KAT7: variants seen among roughly 807,000 people sequenced by gnomAD.
KAT7 encodes the protein histone acetyltransferase KAT7.
KAT7 carries 10 observed loss-of-function variants against 82.1 expected under a neutral mutation model. The observed-to-expected ratio is 0.12, with a 90% CI of 0.08 to 0.21. The LOEUF (loss-of-function observed/expected upper bound fraction) is 0.21, where lower values mean the gene tolerates loss of function less well. Among genes scored for constraint, KAT7 ranks in the 10% least tolerant of loss-of-function variants. The pLI, the probability that KAT7 is intolerant of heterozygous loss-of-function variation, is 1.00. For missense variants in KAT7, 378 were observed against 760.9 expected (o/e 0.50, Z 5.92); for synonymous variants, 250 against 262.5 (o/e 0.95, Z 0.46).
intron 4 of KAT7, among the ~76,000 whole-genome samples, chr17:49,802,346 G>A (rs2074034810): frequency 6.6e-6 from 1 of 152,082 alleles, no homozygotes; most frequent in Non-Finnish European, 1.5e-5. Context: ...ACATATAAAA[G>A]AAAACATGCC....
At chr17:49,824,695 T>A (rs1482677662) in intron 12 of KAT7, 1 of 152,194 alleles carries the variant, frequency 6.6e-6, no homozygotes, top group Non-Finnish European at 1.5e-5. Context: ...TGAGAAGAGA[T>A]GAACTGGGAA....
chr17:49,816,014 T>G, intron 8 of KAT7, 101 bp downstream of exon 8: 1 of 676,646 alleles, frequency 1.5e-6, no homozygotes, highest in Admixed American at 2.5e-5. Flanking sequence ...TAAATGTACC[T>G]TGCTTCTGGA....
In KAT7 at chr17:49,815,783, C is replaced by G; in HGVS notation, c.853-20C>G. 7.0e-7 allele frequency: 1 copy of G among 1,420,648 alleles called. No individual in the cohort carries two copies. Among genetic ancestry groups the G allele is most frequent in the South Asian group, 1.1e-5 (1 of 87,124 alleles). The allele number at this position is 1,420,648 out of a possible 1,614,324, so 88.0% of individuals were successfully genotyped here. ...AGAAGCAGAGAGTATCAGAGTATCACGCTCTGGTTATTTTCCTAGGAACAC... is the reference window on the plus strand; with the variant it reads ...AGAAGCAGAGAGTATCAGAGTATCAGGCTCTGGTTATTTTCCTAGGAACAC... On this transcript the variant is annotated intron_variant, in intron 7 of 14. Coordinates refer to ENST00000259021, the MANE Select transcript of KAT7 (RefSeq NM_007067.5).
intron 2 of KAT7, 149 bp downstream of exon 2, chr17:49,792,182 G>C: frequency 4.0e-6 from 3 of 753,302 alleles, no homozygotes; most frequent in Non-Finnish European, 6.4e-6. Flanking sequence ...AGTGAATGCA[G>C]AGTTGTCAGG....
At chr17:49,790,236 G>T (rs1279027617) in intron 1 of KAT7, among the ~76,000 whole-genome samples, 1 of 152,090 alleles carries the variant, frequency 6.6e-6, no homozygotes, top group Non-Finnish European at 1.5e-5. Context: ...TGCTCTTGTT[G>T]CCCAGGTCGG....
chr17:49,822,162 A>G (rs1188298285), intron 11 of KAT7, among the ~76,000 whole-genome samples: 2 of 152,090 alleles, frequency 1.3e-5, no homozygotes, highest in Non-Finnish European at 1.5e-5. Context: ...CTGATTGTTT[A>G]GCTGGGCTCC....
intron 7 of KAT7, among the ~76,000 whole-genome samples, chr17:49,814,314 T>C (rs1022163380): frequency 1.3e-5 from 2 of 152,310 alleles, no homozygotes; most frequent in Middle Eastern, 6.8e-3. Flanking sequence ...CCAGACTGTG[T>C]TGGTTTGTAC....
intron 14 of KAT7, 162 bp from the exon 15 acceptor site, chr17:49,827,239 A>T: frequency 1.7e-6 from 1 of 596,246 alleles, no homozygotes; most frequent in South Asian, 2.2e-5. Flanking sequence ...AATGGATTAG[A>T]TAGGAAAGCA....
chr17:49,823,970 C>T (rs780474988), intron 12 of KAT7, among the ~76,000 whole-genome samples: 16 of 152,168 alleles, frequency 1.1e-4, no homozygotes, highest in Non-Finnish European at 2.4e-4. Context: ...TGTTCCTAAT[C>T]TCAGGAATAC....
chr17:49,790,853 A>C (rs1567844929), intron 1 of KAT7, among the ~76,000 whole-genome samples: 1 of 152,212 alleles, frequency 6.6e-6, no homozygotes. Flanking sequence ...TGGGACTTAC[A>C]GTGTGAATCT....
rs2074129377 is a variant in KAT7, at chr17:49,809,103, T to A, written c.664-16T>A. ...TTAGAAGCAGGTGGATTTATTGACGTTGTTGATGGTTGCAGGTGAGAGCAC... is the reference window on the plus strand; with the variant it reads ...TTAGAAGCAGGTGGATTTATTGACGATGTTGATGGTTGCAGGTGAGAGCAC... On this transcript the variant is annotated splice_polypyrimidine_tract_variant and intron_variant, in intron 5 of 14. Transcript: ENST00000259021. 6.2e-7 allele frequency: 1 copy of A among 1,605,722 alleles called. No individual in the cohort carries two copies. The highest frequency in any genetic ancestry group is 1.7e-5 in the Admixed American group (1 of 59,866).
In KAT7 at chr17:49,827,693, C is replaced by T. The variant is rs1249203068; in HGVS notation, c.*191C>T. On this transcript the variant is annotated 3_prime_UTR_variant, in exon 15 of 15. Transcript: ENST00000259021. ...CGCTGGTTCTGAGGAACTGTTGTTT[C>T]GGCCTCAGTGAGGTTGCCTGGATGG... The T allele has an allele frequency of 1.4e-5, 8 of 591,530 alleles. No homozygotes were observed. Among genetic ancestry groups the T allele is most frequent in the East Asian group, 8.3e-5 (3 of 36,050 alleles). 36.6% of individuals were successfully genotyped at this position (591,530 alleles called of 1,614,324 possible).
intron 9 of KAT7, among the ~76,000 whole-genome samples, chr17:49,820,728 G>C (rs1012325992): frequency 1.3e-5 from 2 of 148,600 alleles, no homozygotes; most frequent in African/African-American, 5.0e-5. Context: ...GCTTCCTGCT[G>C]CTCAGCTAGG....
intron 4 of KAT7, among the ~76,000 whole-genome samples, chr17:49,802,164 G>A (rs984841531): frequency 1.3e-5 from 2 of 152,104 alleles, no homozygotes; most frequent in African/African-American, 4.8e-5. Flanking sequence ...TTGACATTTA[G>A]ATTGTTTCTC....
chr17:49,833,558 T>C lies in KAT7; in HGVS notation c.*6056T>C, dbSNP rs1237312514. ...AGTGATATTTTGGCAGCTTCCACTT[T>C]TGCTCTTGAAAATAAGCTGACACGT... On this transcript the variant is annotated 3_prime_UTR_variant, in exon 15 of 15. Transcript: ENST00000259021. The C allele has an allele frequency of 3.9e-5, 6 of 152,240 alleles. No individual in the cohort carries two copies. Among genetic ancestry groups the C allele is most frequent in the African/African-American group, 1.4e-4 (6 of 41,468 alleles). The allele number at this position is 152,240 out of a possible 1,614,324, so 9.4% of individuals were successfully genotyped here.
chr17:49,796,793 G>C lies in KAT7; in HGVS notation c.207G>C (p.Glu69Asp). 1 of 1,613,468 alleles carries C rather than the reference G, an allele frequency of 6.2e-7. No homozygotes were observed. Among genetic ancestry groups the C allele is most frequent in the Non-Finnish European group, 8.5e-7 (1 of 1,179,680 alleles). ...VRNLQSFGTE[E>D]PAYSTRRVTR... ...ATCTGCAGTCTTTTGGCACTGAGGA[G>C]CCTGCTTACTCTACCAGAAGAGTGA... The change falls in exon 3 of 15, where the codon GAG becomes GAC. Residue 69 changes from glutamate to aspartate, a missense_variant. Around this residue, in one of 6 missense-constraint regions of KAT7, gnomAD observed 161 missense variants for 229.6 expected, o/e 0.70. Transcript: ENST00000259021.
Position 49,815,839 on chromosome 17 carries a change from C to T in KAT7, c.889C>T (p.Leu297Phe), listed in dbSNP as rs761764906. Residue 297 changes from leucine (L) to phenylalanine (F), a missense_variant, in exon 8 of 15, where the codon CTT becomes TTT. Around this residue, in one of 6 missense-constraint regions of KAT7, gnomAD observed 102 missense variants for 129.8 expected, o/e 0.79. Coordinates refer to ENST00000259021, the MANE Select transcript of KAT7 (RefSeq NM_007067.5). ...RQTYGNTREP[L>F]LENLTSEYDL... The stretch of plus-strand genomic sequence containing the variant: ...GACCTATGGGAACACACGGGAACCT[C>T]TTTTAGAAAACCTGACAAGCGAGTA... The T allele has an allele frequency of 1.9e-6, 3 of 1,613,302 alleles. No individual in the cohort carries two copies. Among genetic ancestry groups the T allele is most frequent in the Non-Finnish European group, 1.7e-6 (2 of 1,179,686 alleles).
chr17:49,829,759 G>A lies in KAT7; in HGVS notation c.*2257G>A, dbSNP rs2074407076. ...CAGTCCTGATCCCAGGTCTCCACTC[G>A]CTTTGCCATCCCACTTTACTCCCTA... On this transcript the variant is annotated 3_prime_UTR_variant, in exon 15 of 15. Coordinates refer to ENST00000259021, the MANE Select transcript of KAT7 (RefSeq NM_007067.5). The A allele has an allele frequency of 3.3e-5, 5 of 152,146 alleles. No homozygotes were observed. The South Asian group carries it at 6.2e-4, about 19-fold the overall frequency. The allele number at this position is 152,146 out of a possible 1,614,324, so 9.4% of individuals were successfully genotyped here.
rs750842619 is a variant in KAT7 at position 49,796,924 on chromosome 17, G to C, written c.338G>C (p.Arg113Thr). 6.2e-7 allele frequency: 1 copy of C among 1,613,914 alleles called. No individual in the cohort carries two copies. The highest frequency in any genetic ancestry group is 1.3e-5 in the African/African-American group (1 of 74,926). Residue 113 changes from arginine (R) to threonine (T), a missense_variant and splice_region_variant, in exon 3 of 15, where the codon AGA (arginine) becomes ACA (threonine). Arg to Thr is a moderately conservative substitution (Grantham distance 71). Around this residue, in one of 6 missense-constraint regions of KAT7, gnomAD observed 161 missense variants for 229.6 expected, o/e 0.70. Coordinates refer to ENST00000259021, the MANE Select transcript of KAT7 (RefSeq NM_007067.5). ...GAGCAAGTGGTTGATTTTTCAGATAGAGGTGAGTGGGTATGGTATGACTTA... is the reference window on the plus strand; with the variant it reads ...GAGCAAGTGGTTGATTTTTCAGATACAGGTGAGTGGGTATGGTATGACTTA... ...ETEQVVDFSDRETKNTADHDE... is the reference protein window; with the variant it reads ...ETEQVVDFSDTETKNTADHDE...
Sources: allele counts gnomAD v4.1 joint callset (sites outside exome capture counted in the v4.1 genomes callset), GRCh38; gene constraint gnomAD v4.1.1; regional missense constraint gnomAD v4.1.1; transcripts MANE v1.5; gene names NCBI Gene and HGNC (gene_info 2026-07-23, HGNC 2026-07-21).